Variants in CCDC92B observed in about 807,000 individuals in gnomAD.
CCDC92B encodes coiled-coil domain-containing 92B.
A neutral mutation model predicts 5.6 loss-of-function variants in CCDC92B; 2 were observed. The ratio of observed to expected loss-of-function variants is 0.36; its 90% CI spans 0.15 to 1.12. The LOEUF is 1.12. Among genes scored for constraint, CCDC92B ranks in the 50% most tolerant of loss-of-function variants. The pLI is 0.40. For missense variants in CCDC92B, 271 were observed against 262.2 expected (o/e 1.03, Z -0.23); for synonymous variants, 115 against 122.3 (o/e 0.94, Z 0.39).
chr17:2,733,379 C>T (rs1352007954), intron 2 of CCDC92B, among the ~76,000 whole-genome samples: 1 of 151,748 alleles, frequency 6.6e-6, no homozygotes, highest in Non-Finnish European at 1.5e-5. Flanking sequence ...CCTGCCTCAG[C>T]CTCCCTAATA....
intron 2 of CCDC92B, among the ~76,000 whole-genome samples, chr17:2,732,880 G>A (rs867427291): frequency 5.3e-4 from 81 of 151,824 alleles, no homozygotes; most frequent in South Asian, 1.5e-3. Flanking sequence ...GGGCGTGTTG[G>A]CAGGCGCCTG....
At chr17:2,741,595 CT>C (rs61510422) in intron 1 of CCDC92B, among the ~76,000 whole-genome samples, 4,307 of 134,450 alleles carry the variant, frequency 0.032, 226 homozygotes, top group African/African-American at 0.11. Context: ...AGGAGAATCT[CT>C]TTTTTTTTTT....
At chr17:2,744,759 G>A (rs1597246989) in intron 1 of CCDC92B, among the ~76,000 whole-genome samples, 2 of 152,206 alleles carry the variant, frequency 1.3e-5, no homozygotes, top group South Asian at 4.1e-4. Flanking sequence ...TGTCAAGTAG[G>A]CAGGTCAATA....
At chr17:2,741,449 G>T (rs1368958868) in intron 1 of CCDC92B, among the ~76,000 whole-genome samples, 1 of 151,894 alleles carries the variant, frequency 6.6e-6, no homozygotes, top group Non-Finnish European at 1.5e-5. Context: ...GGCCAAGGCG[G>T]GCAGATCACC....
intron 2 of CCDC92B, among the ~76,000 whole-genome samples, chr17:2,734,107 C>T (rs1030679485): frequency 6.6e-6 from 1 of 152,120 alleles, no homozygotes; most frequent in Non-Finnish European, 1.5e-5. Context: ...CTTTATCCAT[C>T]AACTAGAACC....
intron 1 of CCDC92B, among the ~76,000 whole-genome samples, chr17:2,736,844 G>C (rs905601765): frequency 1.3e-5 from 2 of 151,232 alleles, no homozygotes; most frequent in African/African-American, 4.9e-5. Flanking sequence ...TTGCACCACT[G>C]TACTGCAGCC....
At chr17:2,730,584 AG>A in intron 2 of CCDC92B, 91 bp from the exon 3 acceptor site, 1 of 543,658 alleles carries the variant, frequency 1.8e-6, no homozygotes. Flanking sequence ...AGAGAGAGAG[AG>A]ATCATGGAAT....
chr17:2,744,177 G>A (rs544595536), intron 1 of CCDC92B, among the ~76,000 whole-genome samples: 6 of 151,744 alleles, frequency 4.0e-5, no homozygotes, highest in African/African-American at 1.5e-4. Context: ...CGCTGCACCC[G>A]GCCTAAATTT....
At position 2,724,246 on chromosome 17, in the gene CCDC92B, C is replaced by G. The variant is rs2070696187; in HGVS notation, c.*165G>C. On this transcript the variant is annotated 3_prime_UTR_variant, in exon 4 of 4. Transcript: ENST00000614400. This position sits in a 1 kb window ranked among gnomAD's most constrained non-coding sequence, Gnocchi z 5.0. ...GAAGCTTTGGAAACGTCGGGAAGTA[C>G]AAAAGGCTGGCGGTTCGGGGATTTG... 1 of 985,122 alleles carries G rather than the reference C, an allele frequency of 1.0e-6. No individual in the cohort carries two copies. The highest frequency in any genetic ancestry group is 1.2e-6 in the Non-Finnish European group (1 of 829,794). 61.0% of individuals were successfully genotyped at this position (985,122 alleles called of 1,614,324 possible). A position where few individuals can be genotyped will look rare whatever the true frequency, so the allele number is the denominator to read the frequency against.
At chr17:2,747,072 G>A (rs940052749) in intron 1 of CCDC92B, among the ~76,000 whole-genome samples, 1 of 152,046 alleles carries the variant, frequency 6.6e-6, no homozygotes, top group African/African-American at 2.4e-5. Context: ...CAGGTCCCCT[G>A]GCCTCTGCCA....
At chr17:2,728,383 G>A (rs1323526959) in intron 3 of CCDC92B, among the ~76,000 whole-genome samples, 1 of 151,962 alleles carries the variant, frequency 6.6e-6, no homozygotes, top group African/African-American at 2.4e-5. Flanking sequence ...CGAGGTGGGT[G>A]GATCACGAGG....
chr17:2,740,831 G>C (rs1418246093), intron 1 of CCDC92B, among the ~76,000 whole-genome samples: 6 of 151,700 alleles, frequency 4.0e-5, no homozygotes, highest in Admixed American at 3.3e-4. Context: ...GCCAGGCATG[G>C]TGGCATGGGC....
At chr17:2,739,187 AG>A (rs2070894733) in intron 1 of CCDC92B, among the ~76,000 whole-genome samples, 1 of 148,106 alleles carries the variant, frequency 6.8e-6, no homozygotes, top group Admixed American at 6.7e-5. Context: ...CTAACATGGT[AG>A]AACCCCATCT....
At chr17:2,730,898 A>G (rs2070787383) in intron 2 of CCDC92B, among the ~76,000 whole-genome samples, 1 of 151,636 alleles carries the variant, frequency 6.6e-6, no homozygotes, top group African/African-American at 2.4e-5. Flanking sequence ...CAGGGCTTTG[A>G]CCCTTTCGTG....
At position 2,737,386 on chromosome 17, in the gene CCDC92B, A is replaced by C. The variant is rs553055171; in HGVS notation, c.-23-2218T>G. On this transcript the variant is annotated intron_variant, in intron 1 of 3. Transcript: ENST00000614400. ...TCGAGCAGGTCCCCCTGAGAACTCC[A>C]ATCCTCAGGGCACTCCTCTCTCTGG... 2.0e-5 allele frequency among the ~76,000 whole-genome samples: 3 copies of C among 151,274 alleles called. No homozygotes were observed. The East Asian group carries it at 5.8e-4, about 29-fold the overall frequency.
At chr17:2,746,656 C>T (rs905279232) in intron 1 of CCDC92B, among the ~76,000 whole-genome samples, 1 of 152,080 alleles carries the variant, frequency 6.6e-6, no homozygotes, top group Non-Finnish European at 1.5e-5. Flanking sequence ...TGGGAAACTA[C>T]AGTTCTCTCC....
chr17:2,749,000 C>T (rs1177312198), intron 1 of CCDC92B, among the ~76,000 whole-genome samples: 3 of 152,194 alleles, frequency 2.0e-5, no homozygotes, highest in African/African-American at 7.2e-5. Context: ...TATGGGGAAA[C>T]TGGAGCCCCC....
intron 1 of CCDC92B, among the ~76,000 whole-genome samples, chr17:2,747,024 T>G (rs1459138826): frequency 6.6e-6 from 1 of 152,130 alleles, no homozygotes; most frequent in African/African-American, 2.4e-5. Flanking sequence ...TCCTTGGGTA[T>G]CTAAATCTCA....
chr17:2,745,243 C>T (rs1426355029), intron 1 of CCDC92B, among the ~76,000 whole-genome samples: 3 of 151,964 alleles, frequency 2.0e-5, no homozygotes, highest in Non-Finnish European at 4.4e-5. Context: ...GTGTGTGTTT[C>T]CCGATTCTCT....
Sources: gnomAD v4.1 joint callset for allele counts (sites outside exome capture counted in the v4.1 genomes callset) on GRCh38, gnomAD v4.1.1 for gene constraint, Gnocchi (gnomAD v3.1) non-coding constraint, MANE v1.5 for transcripts, NCBI Gene and HGNC (gene_info 2026-07-23, HGNC 2026-07-21) for gene names.